The following RABGAP1L variants were observed in gnomAD, a reference collection of about 807,000 sequenced individuals.
RABGAP1L encodes rab GTPase-activating protein 1-like.
Under a neutral mutation model 137.7 loss-of-function variants are expected in RABGAP1L, and 63 were observed. That is an observed-to-expected ratio of 0.46 (90% CI 0.37 to 0.56). The LOEUF (loss-of-function observed/expected upper bound fraction) is 0.56. RABGAP1L is among the 20% of genes least tolerant of loss of function. The pLI is 0.00. For synonymous variants in RABGAP1L, 431 were observed against 433.7 expected (o/e 0.99, Z 0.08); for missense variants, 1,095 against 1,244.0 (o/e 0.88, Z 1.80).
At chr1:174,237,059 A>C (rs1194857126) in intron 4 of RABGAP1L, among the ~76,000 whole-genome samples, 4 of 143,822 alleles carry the variant, frequency 2.8e-5, no homozygotes, top group East Asian at 2.0e-4. Context: ...TTGTTGGTTT[A>C]AAGTCTGTTT....
intron 7 of RABGAP1L, among the ~76,000 whole-genome samples, chr1:174,262,549 A>ATC (rs1407090862): frequency 6.6e-6 from 1 of 152,208 alleles, no homozygotes; most frequent in Non-Finnish European, 1.5e-5. Flanking sequence ...CTATGGTAAC[A>ATC]TCTTACATAA....
In RABGAP1L at chr1:174,937,619, A is replaced by AATATATATAT. The variant is rs148901840; in HGVS notation, c.2341-19831_2341-19822dup. ...ATTTTTAAATAGCAATACTTCATTA[A>AATATATATAT]ATATATATATATATATCTTGCAGTT... On this transcript the variant is annotated intron_variant, in intron 19 of 25. Transcript: ENST00000681986. 5.7e-3 allele frequency among the ~76,000 whole-genome samples: 626 copies of AATATATATAT among 109,634 alleles called. 85 individuals are homozygous for AATATATATAT. Among genetic ancestry groups the AATATATATAT allele is most frequent in the African/African-American group, 0.029 (580 of 19,904 alleles). The allele number at this position is 109,634 out of a possible 152,430, so 71.9% of individuals were successfully genotyped here.
intron 7 of RABGAP1L, among the ~76,000 whole-genome samples, chr1:174,258,087 T>C (rs980876421): frequency 1.3e-5 from 2 of 152,242 alleles, no homozygotes; most frequent in Non-Finnish European, 2.9e-5. Flanking sequence ...CCCTAAACAA[T>C]ACTTTGTTCA....
chr1:174,679,938 G>T (rs901597347), intron 14 of RABGAP1L, among the ~76,000 whole-genome samples: 3 of 152,054 alleles, frequency 2.0e-5, no homozygotes, highest in Non-Finnish European at 4.4e-5. Context: ...TTTCAAAGTG[G>T]ATTACAGACC....
At chr1:174,618,756 G>A (rs1672152687) in intron 13 of RABGAP1L, among the ~76,000 whole-genome samples, 1 of 152,182 alleles carries the variant, frequency 6.6e-6, no homozygotes, top group Non-Finnish European at 1.5e-5. Flanking sequence ...CAAAAACGCA[G>A]CTCCTCAGCA....
At chr1:174,509,778 A>G (rs1413525420) in intron 13 of RABGAP1L, among the ~76,000 whole-genome samples, 1 of 152,188 alleles carries the variant, frequency 6.6e-6, no homozygotes, top group Non-Finnish European at 1.5e-5. Flanking sequence ...TCTCTAGTCC[A>G]TCTAATCATC....
intron 13 of RABGAP1L, among the ~76,000 whole-genome samples, chr1:174,512,625 G>A (rs918447471): frequency 1.3e-5 from 2 of 152,168 alleles, no homozygotes; most frequent in East Asian, 1.9e-4. Flanking sequence ...CACACTGTAA[G>A]CCTTCACTCT....
At chr1:174,716,818 T>C (rs537164404) in intron 17 of RABGAP1L, among the ~76,000 whole-genome samples, 6 of 152,326 alleles carry the variant, frequency 3.9e-5, no homozygotes, top group South Asian at 2.1e-4. Flanking sequence ...CTCTGGCTCA[T>C]TGACCTATTG....
At chr1:174,562,652 C>T (rs114027994) in intron 13 of RABGAP1L, among the ~76,000 whole-genome samples, 5,573 of 152,220 alleles carry the variant, frequency 0.037, 113 homozygotes, top group Middle Eastern at 0.061. Context: ...GGCACGTATA[C>T]ACCACGGAAT....
intron 12 of RABGAP1L, among the ~76,000 whole-genome samples, chr1:174,373,542 A>T (rs147158368): frequency 2.6e-5 from 4 of 152,326 alleles, no homozygotes; most frequent in South Asian, 2.1e-4. Context: ...GAGGATCCTC[A>T]TAGCAGCTAG....
intron 19 of RABGAP1L, chr1:174,892,584 C>CA (rs1171230952): frequency 5.6e-6 from 3 of 531,900 alleles, no homozygotes; most frequent in Non-Finnish European, 1.1e-5. Context: ...GTGGTATTTA[C>CA]ATGCCATTCT....
intron 13 of RABGAP1L, among the ~76,000 whole-genome samples, chr1:174,614,533 G>T (rs1671600719): frequency 1.3e-5 from 2 of 152,082 alleles, no homozygotes; most frequent in Admixed American, 6.6e-5. Context: ...TTTCAGCTTT[G>T]GTGAATCTGA....
chr1:174,957,896 A>G (rs768819201), intron 20 of RABGAP1L: 5 of 1,582,304 alleles, frequency 3.2e-6, no homozygotes, highest in Non-Finnish European at 1.7e-6. Flanking sequence ...TTCAGTTTGT[A>G]TATTTGTAGG....
At chr1:174,235,979 T>C (rs1671128011) in intron 4 of RABGAP1L, among the ~76,000 whole-genome samples, 1 of 63,984 alleles carries the variant, frequency 1.6e-5, no homozygotes, top group African/African-American at 1.1e-4. Context: ...ATTCAACTTC[T>C]TCCTGGTTTA....
chr1:174,923,205 G>A (rs115545294), intron 19 of RABGAP1L, among the ~76,000 whole-genome samples: 3,139 of 152,016 alleles, frequency 0.021, 48 homozygotes, highest in Middle Eastern at 0.079. Flanking sequence ...AAGGTAAGGT[G>A]TGTTATATGC....
At chr1:174,887,614 G>T (rs1014297813) in intron 19 of RABGAP1L, among the ~76,000 whole-genome samples, 1 of 31,016 alleles carries the variant, frequency 3.2e-5, no homozygotes, top group Non-Finnish European at 5.0e-5. Flanking sequence ...CAAAAACTTG[G>T]GGGGGGGGTC....
At chr1:174,850,360 T>G (rs1308227387) in intron 19 of RABGAP1L, among the ~76,000 whole-genome samples, 1 of 152,188 alleles carries the variant, frequency 6.6e-6, no homozygotes, top group East Asian at 1.9e-4. Context: ...TGTGGATATC[T>G]CTGGAAGGAC....
chr1:174,407,300 TG>T (rs1484932514), intron 13 of RABGAP1L, among the ~76,000 whole-genome samples: 7 of 148,580 alleles, frequency 4.7e-5, no homozygotes, highest in African/African-American at 1.3e-4. Context: ...TGTCTCTTTA[TG>T]TTTTTTTTTT....
At position 174,624,788 on chromosome 1, in the gene RABGAP1L, A is replaced by G. The variant is rs937550847; in HGVS notation, c.1711-12587A>G. On this transcript the variant is annotated intron_variant, in intron 13 of 25. Transcript: ENST00000681986. ...TCTGACTGTAACACTCTTTCTCTAA[A>G]TATTTCTCTAAATAATCTCACTCAG... 8.9e-5 allele frequency among the ~76,000 whole-genome samples: 13 copies of G among 145,392 alleles called. No individual in the cohort carries two copies. The South Asian group carries it at 1.5e-3, about 16-fold the overall frequency.
Sources: gnomAD v4.1 joint callset for allele counts (sites outside exome capture counted in the v4.1 genomes callset) on GRCh38, gnomAD v4.1.1 for gene constraint, MANE v1.5 for transcripts, NCBI Gene and HGNC (gene_info 2026-07-23, HGNC 2026-07-21) for gene names.